Variants in DEPTOR observed in about 807,000 individuals in gnomAD.
DEPTOR encodes the protein DEP domain-containing mTOR-interacting protein.
DEPTOR carries 41 observed loss-of-function variants against 41.6 expected under a neutral mutation model. The observed-to-expected ratio is 0.98, with a 90% CI of 0.77 to 1.28. The LOEUF (loss-of-function observed/expected upper bound fraction) is 1.28, where lower values mean the gene tolerates loss of function less well. Ranked by LOEUF, DEPTOR falls within the 50% of genes most tolerant of loss-of-function variation. The pLI is 0.00. For missense variants in DEPTOR, 514 were observed against 527.9 expected, an observed-to-expected ratio of 0.97 and a Z score of 0.26; for synonymous variants, 195 against 192.3, an observed-to-expected ratio of 1.01 and a Z score of -0.12.
At chr8:120,048,032 CAAA>C (rs34841127) in intron 8 of DEPTOR, among the ~76,000 whole-genome samples, 3 of 137,000 alleles carry the variant, frequency 2.2e-5, no homozygotes, top group Admixed American at 7.1e-5. Flanking sequence ...GACTCCATGT[CAAA>C]AAAAAAAAAA....
At chr8:119,970,959 A>G (rs1002864110) in intron 4 of DEPTOR, among the ~76,000 whole-genome samples, 57 of 152,282 alleles carry the variant, frequency 3.7e-4, no homozygotes, top group South Asian at 1.2e-3. Flanking sequence ...GGCCGGGCAC[A>G]GTGGCTCACA....
At chr8:120,005,157 C>T (rs1405009379) in intron 6 of DEPTOR, among the ~76,000 whole-genome samples, 3 of 152,034 alleles carry the variant, frequency 2.0e-5, no homozygotes, top group Non-Finnish European at 4.4e-5. Flanking sequence ...TTCATAAGCC[C>T]CCTGAGGGTT....
At chr8:119,985,147 C>T (rs1293210205) in intron 4 of DEPTOR, among the ~76,000 whole-genome samples, 4 of 152,150 alleles carry the variant, frequency 2.6e-5, no homozygotes, top group Admixed American at 6.5e-5. Flanking sequence ...CACTTCAACC[C>T]GGGCAACAGC....
chr8:119,877,252 T>G (rs1827241690), intron 1 of DEPTOR, among the ~76,000 whole-genome samples: 1 of 152,240 alleles, frequency 6.6e-6, no homozygotes. Flanking sequence ...TTGCTGTTTT[T>G]TATCTCAACT....
At chr8:119,926,255 C>A (rs1364837288) in intron 1 of DEPTOR, among the ~76,000 whole-genome samples, 1 of 152,124 alleles carries the variant, frequency 6.6e-6, no homozygotes, top group Non-Finnish European at 1.5e-5. Context: ...GTTGAAGTAT[C>A]TTCTGGAATA....
At chr8:119,986,499 T>C (rs997937360) in intron 4 of DEPTOR, among the ~76,000 whole-genome samples, 2 of 152,170 alleles carry the variant, frequency 1.3e-5, no homozygotes, top group African/African-American at 4.8e-5. Flanking sequence ...CTGATGATTA[T>C]GTGTCTTGGG....
intron 8 of DEPTOR, among the ~76,000 whole-genome samples, chr8:120,015,891 G>C (rs1389712940): frequency 6.6e-6 from 1 of 152,128 alleles, no homozygotes; most frequent in African/African-American, 2.4e-5. Flanking sequence ...TGCAAATGCA[G>C]GGCACCCTGA....
intron 3 of DEPTOR, among the ~76,000 whole-genome samples, chr8:119,938,172 T>C (rs996421118): frequency 6.6e-6 from 1 of 152,226 alleles, no homozygotes; most frequent in Admixed American, 6.5e-5. Flanking sequence ...TAGCTGATCA[T>C]TGGAGTAACT....
intron 1 of DEPTOR, among the ~76,000 whole-genome samples, chr8:119,925,461 G>A (rs1005050112): frequency 5.9e-5 from 9 of 152,020 alleles, no homozygotes; most frequent in South Asian, 4.1e-4. Flanking sequence ...ATCAGATCTT[G>A]AGATTTATTC....
chr8:119,879,222 C>A (rs943263177), intron 1 of DEPTOR, among the ~76,000 whole-genome samples: 2 of 152,124 alleles, frequency 1.3e-5, no homozygotes, highest in Non-Finnish European at 2.9e-5. Flanking sequence ...AAATTAGAAC[C>A]CCTACACACT....
At chr8:120,000,411 C>T (rs940706168) in intron 4 of DEPTOR, among the ~76,000 whole-genome samples, 1 of 152,204 alleles carries the variant, frequency 6.6e-6, no homozygotes, top group East Asian at 1.9e-4. Context: ...TGTGTGGTCT[C>T]TGCATTTTCT....
chr8:120,049,862 G>T lies in DEPTOR; in HGVS notation c.*158G>T, dbSNP rs1813210061. 8 of 799,746 alleles carry T rather than the reference G, an allele frequency of 1.0e-5. No homozygotes were observed. Among genetic ancestry groups the T allele is most frequent in the Non-Finnish European group, 1.8e-6 (1 of 564,130 alleles). The allele number at this position is 799,746 out of a possible 1,614,324, so 49.5% of individuals were successfully genotyped here. On this transcript the variant is annotated 3_prime_UTR_variant, in exon 9 of 9. Transcript: ENST00000286234. ...TAAAGTTGAGTTTTATACACTGAAT[G>T]TGGAAGAACCGGGTATCATATCTTT...
chr8:119,999,221 G>A lies in DEPTOR; in HGVS notation c.605-2304G>A, dbSNP rs111555882. ...GACTCGGTGGAGGTTGCGGTGAGCC[G>A]AGATTGTGCCATTGCACTCCAGCCT... On this transcript the variant is annotated intron_variant, in intron 4 of 8. Coordinates refer to ENST00000286234, the MANE Select transcript of DEPTOR (RefSeq NM_022783.4). 2.2e-4 allele frequency among the ~76,000 whole-genome samples: 33 copies of A among 151,176 alleles called. 1 individual carries two copies. The highest frequency in any genetic ancestry group is 7.0e-4 in the African/African-American group (29 of 41,218).
At chr8:119,916,501 G>T (rs1423898034) in intron 1 of DEPTOR, among the ~76,000 whole-genome samples, 1 of 152,040 alleles carries the variant, frequency 6.6e-6, no homozygotes, top group Non-Finnish European at 1.5e-5. Context: ...TACTATGTCT[G>T]CTGTCCACCA....
chr8:120,017,631 A>T (rs760662996), intron 8 of DEPTOR, among the ~76,000 whole-genome samples: 18 of 152,214 alleles, frequency 1.2e-4, no homozygotes, highest in African/African-American at 1.7e-4. Context: ...AGGGTCATCC[A>T]AGTGAAAAAT....
At chr8:119,948,108 A>G (rs1385404356) in intron 3 of DEPTOR, among the ~76,000 whole-genome samples, 1 of 152,096 alleles carries the variant, frequency 6.6e-6, no homozygotes, top group Non-Finnish European at 1.5e-5. Flanking sequence ...TTCATCTTGT[A>G]TGTACCTGTA....
chr8:120,019,089 G>A (rs981564347), intron 8 of DEPTOR, among the ~76,000 whole-genome samples: 2 of 152,112 alleles, frequency 1.3e-5, no homozygotes, highest in Non-Finnish European at 2.9e-5. Context: ...CGGACCACTT[G>A]AGGTCAGGAG....
chr8:119,961,625 G>A (rs1304174747), intron 3 of DEPTOR, among the ~76,000 whole-genome samples: 1 of 152,098 alleles, frequency 6.6e-6, no homozygotes, highest in Non-Finnish European at 1.5e-5. Context: ...GGTATAGAGT[G>A]AGTGTTTGCA....
chr8:120,030,988 T>C (rs1205101583), intron 8 of DEPTOR, among the ~76,000 whole-genome samples: 1 of 152,136 alleles, frequency 6.6e-6, no homozygotes, highest in Non-Finnish European at 1.5e-5. Context: ...TATAGCTTCC[T>C]CTCAATTTTG....
Sources: gnomAD v4.1 joint callset for allele counts (sites outside exome capture counted in the v4.1 genomes callset) on GRCh38, gnomAD v4.1.1 for gene constraint, MANE v1.5 for transcripts, NCBI Gene and HGNC (gene_info 2026-07-23, HGNC 2026-07-21) for gene names.